CAMKMT: variants seen among roughly 807,000 people sequenced by gnomAD.
CAMKMT encodes the protein calmodulin-lysine N-methyltransferase, also known as CaM KMT.
A neutral mutation model predicts 48.0 loss-of-function variants in CAMKMT; 53 were observed. That is an observed-to-expected ratio of 1.10 (90% CI 0.89 to 1.39). CAMKMT has a LOEUF of 1.39. CAMKMT is among the 40% of genes most tolerant of loss of function. CAMKMT has a pLI of 0.00. For synonymous variants in CAMKMT, 165 were observed against 152.3 expected (o/e 1.08, Z -0.61); for missense variants, 428 against 402.7 (o/e 1.06, Z -0.54).
intron 3 of CAMKMT, among the ~76,000 whole-genome samples, chr2:44,588,669 G>A (rs1234242123): frequency 1.4e-4 from 6 of 42,902 alleles, no homozygotes; most frequent in African/African-American, 6.2e-4. Flanking sequence ...CCCCCCGCCC[G>A]GCCAGCCGCC....
intron 3 of CAMKMT, among the ~76,000 whole-genome samples, chr2:44,694,856 A>G (rs1333778822): frequency 6.6e-6 from 1 of 152,154 alleles, no homozygotes; most frequent in Non-Finnish European, 1.5e-5. Context: ...TCCAGACAGA[A>G]CTCTTGTTTA....
intron 3 of CAMKMT, among the ~76,000 whole-genome samples, chr2:44,487,110 C>T (rs1318647060): frequency 6.6e-6 from 1 of 152,054 alleles, no homozygotes; most frequent in African/African-American, 2.4e-5. Flanking sequence ...TAAACTAAAA[C>T]TTGAGGATAA....
chr2:44,402,922 AGT>A (rs1491232776), intron 3 of CAMKMT, among the ~76,000 whole-genome samples: 2 of 133,496 alleles, frequency 1.5e-5, no homozygotes, highest in Non-Finnish European at 3.2e-5. Flanking sequence ...TATTACTGAA[AGT>A]TTTTTTTTTT....
chr2:44,500,632 T>C (rs1230298295), intron 3 of CAMKMT, among the ~76,000 whole-genome samples: 1 of 152,034 alleles, frequency 6.6e-6, no homozygotes, highest in Non-Finnish European at 1.5e-5. Flanking sequence ...TTTTGTCACA[T>C]ATTAGTTGAC....
chr2:44,560,618 A>C (rs1668273039), intron 3 of CAMKMT, among the ~76,000 whole-genome samples: 1 of 152,210 alleles, frequency 6.6e-6, no homozygotes, highest in South Asian at 2.1e-4. Flanking sequence ...CTAAAAAGAA[A>C]AAAGCATGCT....
chr2:44,596,132 TAAA>T (rs766302518), intron 3 of CAMKMT, among the ~76,000 whole-genome samples: 1 of 141,108 alleles, frequency 7.1e-6, no homozygotes. Context: ...ACTTATAATT[TAAA>T]AAAAAAAAAA....
chr2:44,544,516 C>T (rs1414754564), intron 3 of CAMKMT, among the ~76,000 whole-genome samples: 2 of 152,164 alleles, frequency 1.3e-5, no homozygotes, highest in Non-Finnish European at 2.9e-5. Flanking sequence ...GCAACTGCTT[C>T]CTTATTAGGT....
At chr2:44,559,713 A>G (rs2103687552) in intron 3 of CAMKMT, among the ~76,000 whole-genome samples, 1 of 152,332 alleles carries the variant, frequency 6.6e-6, no homozygotes, top group African/African-American at 2.4e-5. Flanking sequence ...AGGAGGGGAA[A>G]GAGTCTAGCT....
In CAMKMT at chr2:44,435,264, A is replaced by C. The variant is rs556187053; in HGVS notation, c.376+44959A>C. ...TACTTCATTTTTATAAAACAAATAC[A>C]TCATTAATCTGATTAAGTTCTTGGG... On this transcript the variant is annotated intron_variant, in intron 3 of 10. Coordinates refer to ENST00000378494, the MANE Select transcript of CAMKMT (RefSeq NM_024766.5). 4.7e-4 allele frequency among the ~76,000 whole-genome samples: 71 copies of C among 152,262 alleles called. No individual in the cohort carries two copies. The South Asian group carries it at 5.2e-3, about 11-fold the overall frequency.
At chr2:44,592,399 T>TTACCATCTATAGAATCTATAGTGA (rs1247291965) in intron 3 of CAMKMT, among the ~76,000 whole-genome samples, 1 of 152,142 alleles carries the variant, frequency 6.6e-6, no homozygotes, top group Non-Finnish European at 1.5e-5. Context: ...TATTATCTTT[T>TTACCATCTATAGAATCTATAGTGA]TACCATCTAT....
At chr2:44,649,323 G>T (rs375543186) in intron 3 of CAMKMT, among the ~76,000 whole-genome samples, 7 of 152,096 alleles carry the variant, frequency 4.6e-5, no homozygotes, top group African/African-American at 1.7e-4. Context: ...TCAGTCCTAG[G>T]TGCTGGCCGT....
intron 3 of CAMKMT, among the ~76,000 whole-genome samples, chr2:44,546,061 A>C (rs541468542): frequency 6.6e-6 from 1 of 151,916 alleles, no homozygotes; most frequent in Non-Finnish European, 1.5e-5. Flanking sequence ...AGATTAGCAA[A>C]TTGCATCTTT....
At chr2:44,433,759 T>G (rs1024365744) in intron 3 of CAMKMT, among the ~76,000 whole-genome samples, 2 of 152,220 alleles carry the variant, frequency 1.3e-5, no homozygotes, top group African/African-American at 4.8e-5. Flanking sequence ...AAGTAAGTGC[T>G]TTTGAGTAGA....
chr2:44,439,909 C>T (rs2104559763), intron 3 of CAMKMT, among the ~76,000 whole-genome samples: 1 of 152,184 alleles, frequency 6.6e-6, no homozygotes, highest in African/African-American at 2.4e-5. Flanking sequence ...CAAGAAATGT[C>T]AGGAGCCAAC....
intron 3 of CAMKMT, among the ~76,000 whole-genome samples, chr2:44,397,279 A>G (rs1445395074): frequency 6.6e-6 from 1 of 152,116 alleles, no homozygotes; most frequent in African/African-American, 2.4e-5. Context: ...GGAATAGAAA[A>G]TTTATAAGTT....
chr2:44,456,239 A>G (rs1461780142), intron 3 of CAMKMT, among the ~76,000 whole-genome samples: 1 of 152,176 alleles, frequency 6.6e-6, no homozygotes, highest in Non-Finnish European at 1.5e-5. Flanking sequence ...CATTTTCACT[A>G]GTGATGAAGG....
intron 3 of CAMKMT, among the ~76,000 whole-genome samples, chr2:44,566,119 A>G (rs547711189): frequency 3.3e-5 from 5 of 152,234 alleles, no homozygotes; most frequent in Non-Finnish European, 5.9e-5. Context: ...CATAACTATT[A>G]GAAGACTGGC....
At chr2:44,493,430 CTCTG>C (rs1165510921) in intron 3 of CAMKMT, among the ~76,000 whole-genome samples, 1 of 152,160 alleles carries the variant, frequency 6.6e-6, no homozygotes, top group Non-Finnish European at 1.5e-5. Context: ...TTCTGTCTTT[CTCTG>C]TCTCTCTCAA....
At chr2:44,425,264 A>G (rs1684205405) in intron 3 of CAMKMT, among the ~76,000 whole-genome samples, 1 of 152,208 alleles carries the variant, frequency 6.6e-6, no homozygotes, top group Admixed American at 6.5e-5. Context: ...TTACCAAAAG[A>G]CAACAATATT....
Sources: gnomAD v4.1 joint callset for allele counts (sites outside exome capture counted in the v4.1 genomes callset) on GRCh38, gnomAD v4.1.1 for gene constraint, MANE v1.5 for transcripts, NCBI Gene and HGNC (gene_info 2026-07-23, HGNC 2026-07-21) for gene names.